The following PAK5 variants were observed in gnomAD, a reference collection of about 807,000 sequenced individuals.
PAK5 encodes the protein serine/threonine-protein kinase PAK 5.
Under a neutral mutation model 65.9 loss-of-function variants are expected in PAK5, and 16 were observed. That is an observed-to-expected ratio of 0.24 (90% CI 0.16 to 0.37). The LOEUF is 0.37. PAK5 is among the 10% of genes least tolerant of loss of function. The pLI is 1.00. For synonymous variants in PAK5, 371 were observed against 354.9 expected (o/e 1.05, Z -0.51); for missense variants, 785 against 903.9 (o/e 0.87, Z 1.69).
intron 1 of PAK5, among the ~76,000 whole-genome samples, chr20:9,827,590 A>G (rs945923459): frequency 2.0e-5 from 3 of 151,960 alleles, no homozygotes; most frequent in Admixed American, 2.0e-4. Context: ...TTTGAGAGGA[A>G]CAATCCAGAA....
At chr20:9,639,516 C>G (rs1189394218) in intron 3 of PAK5, among the ~76,000 whole-genome samples, 7 of 152,140 alleles carry the variant, frequency 4.6e-5, no homozygotes, top group African/African-American at 1.7e-4. Flanking sequence ...CACTCCTTGT[C>G]TGTTTTTATT....
chr20:9,571,912 G>T lies in PAK5; in HGVS notation c.991-5528C>A, dbSNP rs1167498020. On this transcript the variant is annotated intron_variant, in intron 4 of 9. Coordinates refer to ENST00000353224, the MANE Select transcript of PAK5 (RefSeq NM_177990.4). ...TGTGGTCTTAACAGGGGCGGGCAGAGTGGGCAATGATGATAACCACAGAGA... is the reference window on the plus strand; with the variant it reads ...TGTGGTCTTAACAGGGGCGGGCAGATTGGGCAATGATGATAACCACAGAGA... Among the ~76,000 whole-genome samples, 6 of 150,206 alleles carry T rather than the reference G, an allele frequency of 4.0e-5. No individual in the cohort carries two copies. The East Asian group carries it at 1.2e-3, about 30-fold the overall frequency.
At chr20:9,572,513 C>A (rs999715244) in intron 4 of PAK5, among the ~76,000 whole-genome samples, 2 of 152,060 alleles carry the variant, frequency 1.3e-5, no homozygotes, top group East Asian at 1.9e-4. Flanking sequence ...CAAATACATT[C>A]TAGAAAAAAA....
chr20:9,551,592 C>G (rs887917537), intron 7 of PAK5, among the ~76,000 whole-genome samples: 1 of 152,082 alleles, frequency 6.6e-6, no homozygotes, highest in African/African-American at 2.4e-5. Context: ...ATGTAAAAAC[C>G]CTTGCTCTGT....
chr20:9,785,757 A>G (rs1873959057), intron 1 of PAK5, among the ~76,000 whole-genome samples: 2 of 152,172 alleles, frequency 1.3e-5, no homozygotes, highest in African/African-American at 2.4e-5. Context: ...ACTTTGATTA[A>G]TTTCATCATG....
intron 2 of PAK5, among the ~76,000 whole-genome samples, chr20:9,671,885 C>T (rs561465396): frequency 6.6e-6 from 1 of 152,216 alleles, no homozygotes; most frequent in South Asian, 2.1e-4. Context: ...AGTTTTTGTC[C>T]ATTCAGTAAA....
intron 2 of PAK5, among the ~76,000 whole-genome samples, chr20:9,683,476 G>A (rs897732276): frequency 1.3e-5 from 2 of 152,180 alleles, no homozygotes; most frequent in Non-Finnish European, 1.5e-5. Context: ...AAGCCTGGGG[G>A]ATCTATCTTC....
At chr20:9,636,575 A>G (rs748892392) in intron 3 of PAK5, among the ~76,000 whole-genome samples, 1 of 152,238 alleles carries the variant, frequency 6.6e-6, no homozygotes, top group Non-Finnish European at 1.5e-5. Flanking sequence ...TGACTCTTCA[A>G]TCTTTAAAAG....
At chr20:9,823,426 T>A (rs2049446671) in intron 1 of PAK5, among the ~76,000 whole-genome samples, 1 of 152,230 alleles carries the variant, frequency 6.6e-6, no homozygotes, top group South Asian at 2.1e-4. Flanking sequence ...TCCTCACGTG[T>A]CAAGGGTGGG....
intron 1 of PAK5, among the ~76,000 whole-genome samples, chr20:9,717,535 GCAAA>G (rs1276020957): frequency 1.3e-5 from 2 of 152,202 alleles, no homozygotes; most frequent in African/African-American, 2.4e-5. Flanking sequence ...AAACAAACAA[GCAAA>G]CAAACAATCC....
Position 9,537,910 on chromosome 20 carries a change from A to C in PAK5, c.*1552T>G, listed in dbSNP as rs2045196267. 4.4e-6 allele frequency: 1 copy of C among 229,618 alleles called. No homozygotes were observed. The highest frequency in any genetic ancestry group is 8.6e-6 in the Non-Finnish European group (1 of 115,722). The allele number at this position is 229,618 out of a possible 1,614,324, so 14.2% of individuals were successfully genotyped here. A position where few individuals can be genotyped will look rare whatever the true frequency, so the allele number is the denominator to read the frequency against. On this transcript the variant is annotated 3_prime_UTR_variant, in exon 10 of 10. Coordinates refer to ENST00000353224, the MANE Select transcript of PAK5 (RefSeq NM_177990.4). ...AGCAGTGATAAATAATTAGCAACCT[A>C]TTAATTACAAAAATTCTTAATTATG...
intron 1 of PAK5, among the ~76,000 whole-genome samples, chr20:9,729,555 C>T (rs2423442): frequency 0.67 from 101,530 of 151,962 alleles, 34,222 homozygotes; most frequent in South Asian, 0.84. Context: ...CAAGCACAAG[C>T]GTTTTAGTGA....
At chr20:9,611,343 C>T (rs543984370) in intron 3 of PAK5, among the ~76,000 whole-genome samples, 2 of 152,274 alleles carry the variant, frequency 1.3e-5, no homozygotes, top group East Asian at 1.9e-4. Flanking sequence ...GTGTCCCTGC[C>T]CCCACCCAAA....
chr20:9,803,843 C>A (rs904945557), intron 1 of PAK5, among the ~76,000 whole-genome samples: 5 of 152,166 alleles, frequency 3.3e-5, no homozygotes, highest in Admixed American at 2.0e-4. Context: ...ATCCTAAAGC[C>A]TTTTCAAAAA....
chr20:9,834,911 T>C (rs1343576930), intron 1 of PAK5, among the ~76,000 whole-genome samples: 1 of 152,228 alleles, frequency 6.6e-6, no homozygotes, highest in Non-Finnish European at 1.5e-5. Flanking sequence ...ATGCAATAAA[T>C]ATTTGCAGAA....
At chr20:9,688,016 T>C (rs2047743237) in intron 2 of PAK5, among the ~76,000 whole-genome samples, 1 of 151,768 alleles carries the variant, frequency 6.6e-6, no homozygotes, top group Non-Finnish European at 1.5e-5. Context: ...GTTGGATGGA[T>C]TGGCGATGGT....
chr20:9,758,897 A>T (rs1235760207), intron 1 of PAK5, among the ~76,000 whole-genome samples: 2 of 152,144 alleles, frequency 1.3e-5, no homozygotes, highest in Non-Finnish European at 2.9e-5. Flanking sequence ...AAAGAAAGGC[A>T]GCAAAGTTTT....
At chr20:9,634,154 T>TCCAAA (rs2046956212) in intron 3 of PAK5, among the ~76,000 whole-genome samples, 2 of 152,174 alleles carry the variant, frequency 1.3e-5, no homozygotes, top group South Asian at 4.1e-4. Flanking sequence ...GTCTTCCAAA[T>TCCAAA]GCCAGGATCA....
At chr20:9,653,774 A>G (rs537421937) in intron 2 of PAK5, among the ~76,000 whole-genome samples, 66 of 152,258 alleles carry the variant, frequency 4.3e-4, no homozygotes, top group African/African-American at 1.5e-3. Flanking sequence ...GAAGTATAAC[A>G]TGAGTCTCAC....
Sources: allele counts gnomAD v4.1 joint callset (sites outside exome capture counted in the v4.1 genomes callset), GRCh38; gene constraint gnomAD v4.1.1; transcripts MANE v1.5; gene names NCBI Gene and HGNC (gene_info 2026-07-23, HGNC 2026-07-21).